KIAA1549L: variants seen among roughly 807,000 people sequenced by gnomAD.
KIAA1549L encodes the protein KIAA1549 like.
A neutral mutation model predicts 160.7 loss-of-function variants in KIAA1549L; 88 were observed. The ratio of observed to expected loss-of-function variants is 0.55; its 90% CI spans 0.46 to 0.65. KIAA1549L has a LOEUF of 0.65. Ranked by LOEUF, KIAA1549L falls within the 30% of genes least tolerant of loss-of-function variation. The pLI is 0.00. For synonymous variants in KIAA1549L, 950 were observed against 976.7 expected (o/e 0.97, Z 0.51); for missense variants, 2,258 against 2,437.5 (o/e 0.93, Z 1.55).
At chr11:33,533,002 T>C (rs947858709) in intron 1 of KIAA1549L, among the ~76,000 whole-genome samples, 1 of 152,156 alleles carries the variant, frequency 6.6e-6, no homozygotes. Flanking sequence ...CAGGGCAGCA[T>C]TGAACCTGAA....
intron 1 of KIAA1549L, among the ~76,000 whole-genome samples, chr11:33,403,888 A>G (rs947493607): frequency 2.0e-5 from 3 of 152,160 alleles, no homozygotes; most frequent in African/African-American, 7.2e-5. Context: ...TGTATACCAT[A>G]CCTTTGTTTT....
chr11:33,431,622 T>C (rs1293614093), intron 1 of KIAA1549L, among the ~76,000 whole-genome samples: 1 of 152,194 alleles, frequency 6.6e-6, no homozygotes, highest in Non-Finnish European at 1.5e-5. Context: ...TTACAATCCC[T>C]GACCTAGACA....
chr11:33,551,654 C>T (rs183706267), intron 5 of KIAA1549L, among the ~76,000 whole-genome samples: 12 of 151,784 alleles, frequency 7.9e-5, no homozygotes, highest in African/African-American at 2.9e-4. Flanking sequence ...TTTAGGTCTT[C>T]GAATATATTT....
At chr11:33,557,852 A>G (rs564982547) in intron 6 of KIAA1549L, among the ~76,000 whole-genome samples, 1 of 152,184 alleles carries the variant, frequency 6.6e-6, no homozygotes, top group African/African-American at 2.4e-5. Flanking sequence ...AGGTCACTGC[A>G]CTTCAGTCTG....
intron 20 of KIAA1549L, among the ~76,000 whole-genome samples, chr11:33,665,040 C>A (rs1321215240): frequency 6.6e-6 from 1 of 152,200 alleles, no homozygotes; most frequent in Non-Finnish European, 1.5e-5. Flanking sequence ...ACTAAACACA[C>A]CCTCTCTGGT....
chr11:33,390,831 A>G (rs1205422677), intron 1 of KIAA1549L, among the ~76,000 whole-genome samples: 1 of 152,178 alleles, frequency 6.6e-6, no homozygotes, highest in African/African-American at 2.4e-5. Flanking sequence ...TACTCCCACC[A>G]TGGCTGATTT....
At chr11:33,461,259 T>C (rs2132999282) in intron 1 of KIAA1549L, among the ~76,000 whole-genome samples, 1 of 152,290 alleles carries the variant, frequency 6.6e-6, no homozygotes, top group Admixed American at 6.5e-5. Flanking sequence ...TAATGGTATC[T>C]ATTATGTATT....
intron 16 of KIAA1549L, among the ~76,000 whole-genome samples, chr11:33,625,141 C>T (rs1397801991): frequency 2.0e-5 from 3 of 151,622 alleles, no homozygotes; most frequent in African/African-American, 4.9e-5. Flanking sequence ...GCCACATTTT[C>T]TTAATCCAGT....
chr11:33,430,045 T>TCCTTCCTCCCTC (rs538132465), intron 1 of KIAA1549L, among the ~76,000 whole-genome samples: 5 of 128,998 alleles, frequency 3.9e-5, no homozygotes, highest in Admixed American at 7.8e-5. Context: ...CTTCCTTCCT[T>TCCTTCCTCCCTC]CCTCCCTTCC....
At chr11:33,456,229 CTAAT>C (rs1461535637) in intron 1 of KIAA1549L, among the ~76,000 whole-genome samples, 2 of 152,090 alleles carry the variant, frequency 1.3e-5, no homozygotes, top group Non-Finnish European at 2.9e-5. Context: ...AATCGATGAC[CTAAT>C]TAATTTTTCC....
intron 1 of KIAA1549L, among the ~76,000 whole-genome samples, chr11:33,379,482 T>G (rs1213630217): frequency 7.9e-5 from 12 of 152,212 alleles, no homozygotes; most frequent in Admixed American, 7.2e-4. Context: ...GGAAGTTTCT[T>G]TGTAGTACTG....
chr11:33,484,144 C>T (rs1338786703), intron 1 of KIAA1549L, among the ~76,000 whole-genome samples: 1 of 152,024 alleles, frequency 6.6e-6, no homozygotes, highest in South Asian at 2.1e-4. Context: ...TTTGTTATTT[C>T]GTCTTTAAAC....
Position 33,542,230 on chromosome 11 carries a change from G to A in KIAA1549L, c.667G>A (p.Val223Ile), listed in dbSNP as rs988649319. 1 of 664,106 alleles carries A rather than the reference G, an allele frequency of 1.5e-6. No individual in the cohort carries two copies. The highest frequency in any genetic ancestry group is 2.8e-6 in the Non-Finnish European group (1 of 358,650). The allele number at this position is 664,106 out of a possible 1,614,324, so 41.1% of individuals were successfully genotyped here. ...CAGTGCTGTCCCCCCATCCCAGCCA[G>A]TATGGGCAGGGACTTCCTCCATTTC... Reference protein sequence around the residue: ...SFSAVPPSQPVWAGTSSISKH... With the variant: ...SFSAVPPSQPIWAGTSSISKH... Residue 223 changes from valine (V) to isoleucine (I), a missense_variant, in exon 2 of 21, where the codon GTA (valine) becomes ATA (isoleucine). This residue lies in a region of KIAA1549L where 540 missense variants were observed against 465.7 expected (regional missense o/e 1.16). Transcript: ENST00000658780.
In KIAA1549L at chr11:33,544,200, T is replaced by C; in HGVS notation, c.2637T>C (p.Pro879=). 1 of 1,614,010 alleles carries C rather than the reference T, an allele frequency of 6.2e-7. No homozygotes were observed. The highest frequency in any genetic ancestry group is 1.1e-5 in the South Asian group (1 of 91,090). The part of the protein sequence containing the change: ...SEISSDINSS[P]ERNASTPFQN... ...TTTCCAGTGACATCAATTCATCACC[T>C]GAGAGAAATGCTTCCACACCATTCC... The change falls in exon 2 of 21, where the codon CCT becomes CCC. Residue 879 remains proline, a synonymous_variant. Transcript: ENST00000658780.
At chr11:33,627,623 G>T (rs7108069) in intron 16 of KIAA1549L, among the ~76,000 whole-genome samples, 11 of 151,996 alleles carry the variant, frequency 7.2e-5, no homozygotes, top group Admixed American at 1.3e-4. Context: ...TCATTTTTTA[G>T]TGTGTCTATT....
intron 15 of KIAA1549L, among the ~76,000 whole-genome samples, chr11:33,614,560 ATATATATATATATATATATATATATTTT>A (rs1850744991): frequency 1.5e-4 from 2 of 13,148 alleles, no homozygotes; most frequent in African/African-American, 1.2e-3. Flanking sequence ...ATATATATAT[ATATATATATATATATATATATATATTTT>A]TTTTTTTTTT....
chr11:33,444,109 A>C (rs1474495859), intron 1 of KIAA1549L, among the ~76,000 whole-genome samples: 1 of 152,252 alleles, frequency 6.6e-6, no homozygotes, highest in Non-Finnish European at 1.5e-5. Flanking sequence ...CTCAGAAAAC[A>C]AAAAGAAGGG....
intron 1 of KIAA1549L, among the ~76,000 whole-genome samples, chr11:33,397,814 TAATA>T (rs1850415607): frequency 6.6e-6 from 1 of 151,550 alleles, no homozygotes; most frequent in Non-Finnish European, 1.5e-5. Context: ...CTTTTAATAA[TAATA>T]AAGGAAATTT....
intron 11 of KIAA1549L, among the ~76,000 whole-genome samples, chr11:33,588,245 A>G (rs765001056): frequency 2.6e-5 from 4 of 152,168 alleles, no homozygotes; most frequent in Non-Finnish European, 5.9e-5. Context: ...TTAACTTTAT[A>G]TGTTCAGCAC....
Sources: gnomAD v4.1 joint callset for allele counts (sites outside exome capture counted in the v4.1 genomes callset) on GRCh38, gnomAD v4.1.1 for gene constraint, gnomAD v4.1.1 regional missense constraint, MANE v1.5 for transcripts, NCBI Gene and HGNC (gene_info 2026-07-23, HGNC 2026-07-21) for gene names.